The following ARMC8 variants were observed in gnomAD, a reference collection of about 807,000 sequenced individuals.
ARMC8 encodes the protein armadillo repeat-containing protein 8.
Under a neutral mutation model 99.3 loss-of-function variants are expected in ARMC8, and 20 were observed. The ratio of observed to expected loss-of-function variants is 0.20; its 90% CI spans 0.14 to 0.29. The LOEUF is 0.29. Ranked by LOEUF, ARMC8 falls within the 10% of genes least tolerant of loss-of-function variation. ARMC8 has a pLI of 1.00. For missense variants in ARMC8, 569 were observed against 809.5 expected (o/e 0.70, Z 3.60); for synonymous variants, 263 against 278.3 (o/e 0.95, Z 0.55).
chr3:138,265,280 C>G (rs2048173240), intron 14 of ARMC8, among the ~76,000 whole-genome samples: 2 of 152,030 alleles, frequency 1.3e-5, no homozygotes, highest in African/African-American at 4.8e-5. Flanking sequence ...AGGTTCAGGA[C>G]AAATGAATCT....
intron 14 of ARMC8, among the ~76,000 whole-genome samples, chr3:138,264,653 C>T (rs367595859): frequency 3.3e-5 from 5 of 151,794 alleles, no homozygotes; most frequent in Admixed American, 6.6e-5. Context: ...CTCCTGACCA[C>T]GTGATCTGCC....
At chr3:138,223,308 G>T (rs568642456) in intron 3 of ARMC8, 81 bp from the exon 4 acceptor site, 1 of 1,306,402 alleles carries the variant, frequency 7.7e-7, no homozygotes, top group South Asian at 1.3e-5. Flanking sequence ...TTTAGTATGT[G>T]GACTGCACAG....
chr3:138,283,077 A>G (rs1405110941), intron 18 of ARMC8, among the ~76,000 whole-genome samples: 1 of 152,188 alleles, frequency 6.6e-6, no homozygotes, highest in African/African-American at 2.4e-5. Context: ...ATAGTTCCCC[A>G]GTGTTTGCTT....
At chr3:138,236,295 A>C (rs1205478406) in intron 7 of ARMC8, among the ~76,000 whole-genome samples, 8 of 152,224 alleles carry the variant, frequency 5.3e-5, no homozygotes, top group Non-Finnish European at 2.9e-5. Context: ...TTCCTGTGCC[A>C]TGCAAAGGCT....
chr3:138,187,499 TC>T lies in ARMC8; in HGVS notation c.-55del. 6.5e-7 allele frequency: 1 copy of T among 1,530,650 alleles called. No homozygotes were observed. The highest frequency in any genetic ancestry group is 1.2e-5 in the South Asian group (1 of 83,908). The allele number at this position is 1,530,650 out of a possible 1,614,324, so 94.8% of individuals were successfully genotyped here. On this transcript the variant is annotated 5_prime_UTR_variant, in exon 1 of 22. Transcript: ENST00000469044. The stretch of plus-strand genomic sequence containing the variant: ...CCTAGCGTTGGCCAATAGTTGGCTG[TC>T]GAAAGTGCCGGCCCCCGCGCCGGCG...
intron 2 of ARMC8, among the ~76,000 whole-genome samples, chr3:138,213,599 T>C (rs1248219061): frequency 3.9e-5 from 6 of 152,206 alleles, no homozygotes; most frequent in Admixed American, 3.9e-4. Context: ...AGTAGGTATG[T>C]CAGTTAAACT....
At chr3:138,292,797 A>G (rs1279189351) in intron 21 of ARMC8, among the ~76,000 whole-genome samples, 1 of 152,174 alleles carries the variant, frequency 6.6e-6, no homozygotes, top group Non-Finnish European at 1.5e-5. Flanking sequence ...TAGAGCAAGT[A>G]AAAAGAGAGA....
At chr3:138,236,786 T>C in intron 7 of ARMC8, among the ~76,000 whole-genome samples, 1 of 152,108 alleles carries the variant, frequency 6.6e-6, no homozygotes, top group East Asian at 1.9e-4. Context: ...TAAAGCATAT[T>C]ATATATGGTT....
chr3:138,254,885 A>G (rs1032417865), intron 12 of ARMC8, among the ~76,000 whole-genome samples: 14 of 152,368 alleles, frequency 9.2e-5, no homozygotes, highest in African/African-American at 3.4e-4. Context: ...CCTCAGGTAT[A>G]AATGACAAAA....
At chr3:138,287,755 T>C (rs1164110805) in intron 19 of ARMC8, 2 of 452,056 alleles carry the variant, frequency 4.4e-6, no homozygotes, top group Admixed American at 2.4e-5. Flanking sequence ...TGAAATATAG[T>C]CCTACATGAG....
chr3:138,241,666 G>T (rs2046631449), intron 10 of ARMC8, 117 bp from the exon 11 acceptor site: 2 of 898,130 alleles, frequency 2.2e-6, no homozygotes, highest in Non-Finnish European at 3.4e-6. Context: ...AGTCAGTAAA[G>T]GAAATATATG....
chr3:138,211,099 TG>T (rs2108031291), intron 2 of ARMC8, among the ~76,000 whole-genome samples: 2 of 152,314 alleles, frequency 1.3e-5, no homozygotes, highest in East Asian at 1.9e-4. Flanking sequence ...CCAGGAAAAA[TG>T]GTTTATTAAA....
At position 138,223,414 on chromosome 3, in the gene ARMC8, A is replaced by G; in HGVS notation, c.220A>G (p.Thr74Ala). The change falls in exon 4 of 22, where the codon ACC (threonine) becomes GCC (alanine). Residue 74 changes from threonine (T) to alanine (A), a missense_variant. By Grantham distance (58) the Thr-to-Ala change is moderately conservative (BLOSUM62 0). This residue lies in a region of ARMC8 where 342 missense variants were observed against 391.6 expected (regional missense o/e 0.87). Coordinates refer to ENST00000469044, the MANE Select transcript of ARMC8 (RefSeq NM_001363941.2). ...PRLLYLLQQE[T>A]SSTELKTECA... The stretch of plus-strand genomic sequence containing the variant: ...ATTGTTGTACTTGCTTCAGCAAGAA[A>G]CCTCAAGCACAGAGCTGAAAACTGA... The G allele has an allele frequency of 1.2e-6, 2 of 1,614,070 alleles. No individual in the cohort carries two copies. Among genetic ancestry groups the G allele is most frequent in the Non-Finnish European group, 1.7e-6 (2 of 1,179,992 alleles).
chr3:138,197,927 T>C (rs1465580099), intron 1 of ARMC8, among the ~76,000 whole-genome samples: 2 of 152,252 alleles, frequency 1.3e-5, no homozygotes, highest in African/African-American at 2.4e-5. Flanking sequence ...ATCATAGTAC[T>C]TGATTAGAAG....
intron 1 of ARMC8, among the ~76,000 whole-genome samples, chr3:138,198,532 G>T: frequency 6.7e-6 from 1 of 149,404 alleles, no homozygotes. Context: ...TATTTTTTGA[G>T]ACAGATTCTC....
At position 138,296,225 on chromosome 3, in the gene ARMC8, AAC is replaced by A; in HGVS notation, c.*339_*340del. On this transcript the variant is annotated 3_prime_UTR_variant, in exon 22 of 22. Coordinates refer to ENST00000469044, the MANE Select transcript of ARMC8 (RefSeq NM_001363941.2). ...GAGTGAGAATGAATATGTCTGTGTG[AAC>A]ACACAGGCATGCGTGTGTATGTGCA... 1 of 242,860 alleles carries A rather than the reference AAC, an allele frequency of 4.1e-6. No individual in the cohort carries two copies. Among genetic ancestry groups the A allele is most frequent in the Non-Finnish European group, 8.0e-6 (1 of 124,898 alleles). The allele number at this position is 242,860 out of a possible 1,614,324, so 15.0% of individuals were successfully genotyped here. A position where few individuals can be genotyped will look rare whatever the true frequency, so the allele number is the denominator to read the frequency against.
chr3:138,288,986 A>G (rs1279015254), intron 19 of ARMC8, 62 bp from the exon 20 acceptor site: 2 of 1,453,162 alleles, frequency 1.4e-6, no homozygotes, highest in Non-Finnish European at 1.9e-6. Context: ...GGTCCCCCCA[A>G]AAAAAAATCT....
chr3:138,223,682 C>T lies in ARMC8; in HGVS notation c.384C>T (p.Cys128=), dbSNP rs747253917. Residue 128 remains cysteine, a synonymous_variant, in exon 5 of 22, where the codon TGC becomes TGT. Coordinates refer to ENST00000469044, the MANE Select transcript of ARMC8 (RefSeq NM_001363941.2). ...DLKFIEACLR[C]LRTIFTSPVT... is the part of the protein sequence containing the mutation. ...AGTTTATTGAAGCTTGCCTCCGATG[C>T]CTGCGTACCATCTTCACCAGTCCTG... is the stretch of plus-strand genomic sequence containing the variant. The T allele has an allele frequency of 3.1e-6, 5 of 1,614,074 alleles. No individual in the cohort carries two copies. Among genetic ancestry groups the T allele is most frequent in the Non-Finnish European group, 4.2e-6 (5 of 1,180,046 alleles).
At chr3:138,242,386 CCA>C (rs2108178661) in intron 11 of ARMC8, among the ~76,000 whole-genome samples, 1 of 152,302 alleles carries the variant, frequency 6.6e-6, no homozygotes, top group South Asian at 2.1e-4. Flanking sequence ...TTACTTTCCA[CCA>C]CAGTCTATTT....
Sources: gnomAD v4.1 joint callset for allele counts (sites outside exome capture counted in the v4.1 genomes callset) on GRCh38, gnomAD v4.1.1 for gene constraint, gnomAD v4.1.1 regional missense constraint, MANE v1.5 for transcripts, NCBI Gene and HGNC (gene_info 2026-07-23, HGNC 2026-07-21) for gene names.